ERRFI1: variants seen among roughly 807,000 people sequenced by gnomAD.
The protein encoded by ERRFI1 is ERBB receptor feedback inhibitor 1.
ERRFI1 carries 12 observed loss-of-function variants against 14.6 expected under a neutral mutation model. The ratio of observed to expected loss-of-function variants is 0.82; its 90% CI spans 0.53 to 1.33. The LOEUF (loss-of-function observed/expected upper bound fraction) is 1.33, where lower values mean the gene tolerates loss of function less well. Among genes scored for constraint, ERRFI1 ranks in the 40% most tolerant of loss-of-function variants. The pLI is 0.00. For synonymous variants in ERRFI1, 202 were observed against 209.9 expected (o/e 0.96, Z 0.32); for missense variants, 482 against 572.1 (o/e 0.84, Z 1.61).
Position 8,013,017 on chromosome 1 carries a change from T to A in ERRFI1, c.*193A>T. On this transcript the variant is annotated 3_prime_UTR_variant, in exon 4 of 4. Transcript: ENST00000377482. This position sits in a 1 kb window ranked among gnomAD's most constrained non-coding sequence, Gnocchi z 4.3. The stretch of plus-strand genomic sequence containing the variant: ...TAAATTATAGACTTGTAAGACTTTT[T>A]TCCAACACTAACAAAGTCAGGGTTT... The A allele has an allele frequency of 3.5e-6, 2 of 574,342 alleles. No homozygotes were observed. The highest frequency in any genetic ancestry group is 2.9e-5 in the East Asian group (1 of 34,414). The allele number at this position is 574,342 out of a possible 1,614,324, so 35.6% of individuals were successfully genotyped here. A position where few individuals can be genotyped will look rare whatever the true frequency, so the allele number is the denominator to read the frequency against.
At chr1:8,023,625 G>C (rs1641302665) in intron 1 of ERRFI1, among the ~76,000 whole-genome samples, 1 of 152,122 alleles carries the variant, frequency 6.6e-6, no homozygotes. Flanking sequence ...CTGGAAGAGT[G>C]GTCTTTTCGT....
Position 8,011,811 on chromosome 1 carries a change from T to C in ERRFI1, c.*1399A>G, listed in dbSNP as rs968204051. ...AAAATGAATAAAATCCTTTGTCCAATACTGTACACATAATGCAGAAATCAG... is the reference window on the plus strand; with the variant it reads ...AAAATGAATAAAATCCTTTGTCCAACACTGTACACATAATGCAGAAATCAG... On this transcript the variant is annotated 3_prime_UTR_variant, in exon 4 of 4. Transcript: ENST00000377482. The C allele has an allele frequency of 4.7e-6, 1 of 211,708 alleles. No individual in the cohort carries two copies. Among genetic ancestry groups the C allele is most frequent in the Admixed American group, 5.9e-5 (1 of 17,052 alleles). 13.1% of individuals were successfully genotyped at this position (211,708 alleles called of 1,614,324 possible).
chr1:8,012,370 A>T lies in ERRFI1; in HGVS notation c.*840T>A, dbSNP rs41278966. 6.4e-3 allele frequency: 1,475 copies of T among 231,220 alleles called. 12 individuals are homozygous for T. The highest frequency in any genetic ancestry group is 0.027 in the Middle Eastern group (21 of 776). The allele number at this position is 231,220 out of a possible 1,614,324, so 14.3% of individuals were successfully genotyped here. On this transcript the variant is annotated 3_prime_UTR_variant, in exon 4 of 4. Coordinates refer to ENST00000377482, the MANE Select transcript of ERRFI1 (RefSeq NM_018948.4). Reference sequence around the variant, plus strand: ...CTGACATCCTAACACTGGCACCTAGAATACTTTTCCATCTGAGTCTAACGT... The same window carrying T: ...CTGACATCCTAACACTGGCACCTAGTATACTTTTCCATCTGAGTCTAACGT...
chr1:8,015,643 C>G lies in ERRFI1; in HGVS notation c.-24G>C. ...ATTGTGCCTTATTCTGGGACATCTC[C>G]AAACCTGTGAGGCCCAGGCACTTTA... On this transcript the variant is annotated 5_prime_UTR_variant, in exon 2 of 4. Transcript: ENST00000377482. The G allele has an allele frequency of 6.2e-7, 1 of 1,613,844 alleles. No homozygotes were observed. Among genetic ancestry groups the G allele is most frequent in the Non-Finnish European group, 8.5e-7 (1 of 1,179,816 alleles).
chr1:8,024,948 G>C (rs145976652), intron 1 of ERRFI1, among the ~76,000 whole-genome samples: 102 of 152,260 alleles, frequency 6.7e-4, no homozygotes, highest in Admixed American at 2.2e-3. Flanking sequence ...AATAGGTACG[G>C]TGAACTTGGG....
At chr1:8,020,464 T>C (rs1414061953) in intron 1 of ERRFI1, among the ~76,000 whole-genome samples, 1 of 151,994 alleles carries the variant, frequency 6.6e-6, no homozygotes, top group Non-Finnish European at 1.5e-5. Flanking sequence ...TCCCCAAATA[T>C]ACCAATCTCT....
At chr1:8,014,529 G>C in intron 3 of ERRFI1, 133 bp from the exon 4 acceptor site, 1 of 771,294 alleles carries the variant, frequency 1.3e-6, no homozygotes, top group South Asian at 1.8e-5. Context: ...GTCACCCCGA[G>C]AACACCCATG....
intron 1 of ERRFI1, among the ~76,000 whole-genome samples, chr1:8,024,209 C>A (rs1641313368): frequency 6.6e-6 from 1 of 152,178 alleles, no homozygotes; most frequent in African/African-American, 2.4e-5. Context: ...TATTATCTAG[C>A]TCAACTTTTG....
intron 1 of ERRFI1, among the ~76,000 whole-genome samples, chr1:8,020,121 C>G (rs1641255028): frequency 6.6e-6 from 1 of 151,636 alleles, no homozygotes; most frequent in Non-Finnish European, 1.5e-5. Context: ...AGGCAGTAAC[C>G]TAGATATGCT....
In ERRFI1 at chr1:8,013,427, G is replaced by A. The variant is rs767822347; in HGVS notation, c.1172C>T (p.Ser391Leu). Residue 391 changes from serine to leucine, a missense_variant, in exon 4 of 4, where the codon TCA becomes TTA. Coordinates refer to ENST00000377482, the MANE Select transcript of ERRFI1 (RefSeq NM_018948.4). This position sits in a 1 kb window ranked among gnomAD's most constrained non-coding sequence, Gnocchi z 4.3. ...TTCAGGTAGTAGGTAATAATGTGTT[G>A]AACTAACCTTCTTCCCATTTTCAAT... ...PIIENGKKVS[S>L]THYYLLPERP... The A allele has an allele frequency of 9.9e-6, 16 of 1,614,158 alleles. No individual in the cohort carries two copies. The South Asian group carries it at 1.1e-4, about 11-fold the overall frequency.
intron 1 of ERRFI1, among the ~76,000 whole-genome samples, chr1:8,022,264 T>C (rs1454461972): frequency 6.6e-6 from 1 of 152,232 alleles, no homozygotes; most frequent in Admixed American, 6.5e-5. Context: ...AAGTCTGTTT[T>C]TACTCGTAAT....
At chr1:8,015,435 T>C (rs1557464977) in intron 2 of ERRFI1, 51 bp from the exon 3 acceptor site, 4 of 1,614,068 alleles carry the variant, frequency 2.5e-6, no homozygotes, top group Non-Finnish European at 3.4e-6. Flanking sequence ...AATCACAGCC[T>C]CTCCCATTTT....
rs140702352 is a variant in ERRFI1 at position 8,020,038 on chromosome 1, TGCCTTTA to T, written c.-73-4353_-73-4347del. Among the ~76,000 whole-genome samples, 626 of 151,466 alleles carry T rather than the reference TGCCTTTA, an allele frequency of 4.1e-3. 1 individual carries two copies. Among genetic ancestry groups the T allele is most frequent in the Non-Finnish European group, 7.4e-3 (503 of 67,882 alleles). ...CCTTCTTCATTAAGGTGAAATCATA[TGCCTTTA>T]GCTTGAGGACAGTCTCTTTGAAACT... On this transcript the variant is annotated intron_variant, in intron 1 of 3. Transcript: ENST00000377482.
At chr1:8,024,058 A>T (rs1421537995) in intron 1 of ERRFI1, among the ~76,000 whole-genome samples, 1 of 152,042 alleles carries the variant, frequency 6.6e-6, no homozygotes, top group Non-Finnish European at 1.5e-5. Flanking sequence ...TACCCCTGAC[A>T]CCTCCTTTCC....
rs546874778 is a variant in ERRFI1 at position 8,015,697 on chromosome 1, G to A, written c.-73-5C>T. 1.0e-5 allele frequency: 16 copies of A among 1,565,480 alleles called. No homozygotes were observed. The African/African-American group carries it at 1.8e-4, about 17-fold the overall frequency. On this transcript the variant is annotated splice_polypyrimidine_tract_variant and splice_region_variant and intron_variant, in intron 1 of 3. Coordinates refer to ENST00000377482, the MANE Select transcript of ERRFI1 (RefSeq NM_018948.4). ...TCAACCAGTAGCTTTCATTCCCTGGGAGGTAGAAGAGATGAGAGAATAAAG... is the reference window on the plus strand; with the variant it reads ...TCAACCAGTAGCTTTCATTCCCTGGAAGGTAGAAGAGATGAGAGAATAAAG...
intron 1 of ERRFI1, among the ~76,000 whole-genome samples, chr1:8,018,768 G>A (rs1035278781): frequency 6.6e-6 from 1 of 152,006 alleles, no homozygotes; most frequent in Admixed American, 6.6e-5. Flanking sequence ...TAAATTCAAC[G>A]AAAAAAGAAG....
intron 2 of ERRFI1, 46 bp from the exon 3 acceptor site, chr1:8,015,430 C>T (rs957635030): frequency 1.9e-6 from 3 of 1,613,974 alleles, no homozygotes; most frequent in Non-Finnish European, 2.5e-6. Context: ...AGAGCAATCA[C>T]AGCCTCTCCC....
intron 1 of ERRFI1, among the ~76,000 whole-genome samples, chr1:8,023,915 C>T (rs1281444516): frequency 1.3e-5 from 2 of 152,308 alleles, no homozygotes; most frequent in East Asian, 3.9e-4. Flanking sequence ...TTTTGTATAG[C>T]CAGACACCCG....
chr1:8,013,864 T>C lies in ERRFI1; in HGVS notation c.735A>G (p.Arg245=). ...PNPPPPQTHR[R]LRRSHSGPAG... is the part of the protein sequence containing the mutation. The stretch of plus-strand genomic sequence containing the variant: ...CTGGTCCCGAATGAGACCTTCTTAA[T>C]CTTCGGTGGGTCTGAGGTGGAGGAG... The change falls in exon 4 of 4, where the codon AGA becomes AGG. Residue 245 remains arginine, a synonymous_variant. Coordinates refer to ENST00000377482, the MANE Select transcript of ERRFI1 (RefSeq NM_018948.4). This position sits in a 1 kb window ranked among gnomAD's most constrained non-coding sequence, Gnocchi z 4.3. 3 of 1,614,162 alleles carry C rather than the reference T, an allele frequency of 1.9e-6. No individual in the cohort carries two copies. The highest frequency in any genetic ancestry group is 2.2e-5 in the South Asian group (2 of 91,078).
Sources: allele counts gnomAD v4.1 joint callset (sites outside exome capture counted in the v4.1 genomes callset), GRCh38; gene constraint gnomAD v4.1.1; non-coding constraint Gnocchi (gnomAD v3.1); transcripts MANE v1.5; gene names NCBI Gene and HGNC (gene_info 2026-07-23, HGNC 2026-07-21).